Variants in C1GALT1 observed in about 807,000 individuals in gnomAD.
C1GALT1 encodes the protein core 1 synthase, glycoprotein-N-acetylgalactosamine 3-beta-galactosyltransferase 1.
In C1GALT1, 11 loss-of-function variants were observed where a neutral mutation model predicts 31.0. That is an observed-to-expected ratio of 0.36 (90% CI 0.22 to 0.59). C1GALT1 has a LOEUF of 0.59. Ranked by LOEUF, C1GALT1 falls within the 20% of genes least tolerant of loss-of-function variation. C1GALT1 has a pLI of 0.79. For synonymous variants in C1GALT1, 175 were observed against 143.6 expected (o/e 1.22, Z -1.56); for missense variants, 424 against 425.2 (o/e 1.00, Z 0.03).
chr7:7,215,885 T>C (rs533386604), intron 1 of C1GALT1, among the ~76,000 whole-genome samples: 1 of 152,230 alleles, frequency 6.6e-6, no homozygotes, highest in East Asian at 1.9e-4. Context: ...AAAATCAGTC[T>C]AAGTCTCCTT....
intron 1 of C1GALT1, among the ~76,000 whole-genome samples, chr7:7,194,105 T>TC (rs1781185483): frequency 6.6e-6 from 1 of 152,114 alleles, no homozygotes; most frequent in Non-Finnish European, 1.5e-5. Context: ...TGGTGTATGA[T>TC]CATATCATCA....
Position 7,169,361 on chromosome 7 carries a change from G to C in C1GALT1, c.-18+11935G>C, listed in dbSNP as rs376311029. 4.6e-5 allele frequency among the ~76,000 whole-genome samples: 7 copies of C among 152,194 alleles called. No individual in the cohort carries two copies. In the East Asian group the frequency reaches 7.7e-4, roughly 17 times the overall value. On this transcript the variant is annotated intron_variant, in intron 2 of 3. Coordinates refer to the C1GALT1 transcript ENST00000429911. ...TTGAGTCTCTGTTTTCAGTTATTTG[G>C]GGTGTATATCTCAGAGCCAAACTGC...
chr7:7,209,998 G>T (rs1171477779), intron 1 of C1GALT1, among the ~76,000 whole-genome samples: 3 of 152,112 alleles, frequency 2.0e-5, no homozygotes, highest in African/African-American at 4.8e-5. Context: ...GATGAGCCAG[G>T]GGAAGGAATT....
chr7:7,232,786 A>G lies in C1GALT1; in HGVS notation c.-17-1517A>G, dbSNP rs1312508016. On this transcript the variant is annotated intron_variant, in intron 1 of 3. Coordinates refer to ENST00000436587, the MANE Select transcript of C1GALT1 (RefSeq NM_020156.5). ...ATTACAGGCGTGAGCCACCACGCCC[A>G]GCCGGGCATGGGCTTTTTAAGCACA... 2.0e-5 allele frequency among the ~76,000 whole-genome samples: 3 copies of G among 152,304 alleles called. No homozygotes were observed. The East Asian group carries it at 5.8e-4, about 29-fold the overall frequency.
rs1783751983 is a variant in C1GALT1, at chr7:7,244,101, T to G, written c.*374T>G. 6.4e-6 allele frequency: 1 copy of G among 157,224 alleles called. No homozygotes were observed. The allele number at this position is 157,224 out of a possible 1,614,324, so 9.7% of individuals were successfully genotyped here. ...CTGCACCATGTTAGTAATAAACAGA[T>G]CTGCCTTAAAGAAAAGAAAATTTTA... On this transcript the variant is annotated 3_prime_UTR_variant, in exon 4 of 4. Transcript: ENST00000436587.
intron 1 of C1GALT1, among the ~76,000 whole-genome samples, chr7:7,186,796 G>A (rs768763624): frequency 6.6e-6 from 1 of 152,188 alleles, no homozygotes; most frequent in Non-Finnish European, 1.5e-5. Context: ...TTCAATCTAT[G>A]AAATTGCTGC....
chr7:7,243,630 T>C lies in C1GALT1; in HGVS notation c.995T>C (p.Leu332Ser). The change falls in exon 4 of 4, where the codon TTA becomes TCA. Residue 332 changes from leucine (L) to serine (S), a missense_variant. Physicochemically the swap from Leu to Ser is moderately radical, Grantham distance 145. This residue lies in a region of C1GALT1 where 191 missense variants were observed against 188.8 expected (regional missense o/e 1.01). Coordinates refer to ENST00000436587, the MANE Select transcript of C1GALT1 (RefSeq NM_020156.5). ...LVYHLRPYGYLYRYQPTLPER... is the reference protein window; with the variant it reads ...LVYHLRPYGYSYRYQPTLPER... ...TATCATCTTCGTCCATATGGTTATT[T>C]ATACAGATATCAACCTACCTTACCT... 6.2e-7 allele frequency: 1 copy of C among 1,612,526 alleles called. No individual in the cohort carries two copies. The highest frequency in any genetic ancestry group is 8.5e-7 in the Non-Finnish European group (1 of 1,179,236).
intron 1 of C1GALT1, among the ~76,000 whole-genome samples, chr7:7,209,948 G>A (rs1169530936): frequency 2.0e-5 from 3 of 152,092 alleles, no homozygotes; most frequent in African/African-American, 4.8e-5. Flanking sequence ...GGGCAGGGGC[G>A]GGGGACACAA....
At chr7:7,165,948 A>G (rs57285757) in intron 2 of C1GALT1, among the ~76,000 whole-genome samples, 3,942 of 152,284 alleles carry the variant, frequency 0.026, 140 homozygotes, top group East Asian at 0.16. Flanking sequence ...TTTCATGTTT[A>G]GACTTGGGTC....
At chr7:7,235,080 T>C (rs1366063806) in intron 2 of C1GALT1, 1 of 152,510 alleles carries the variant, frequency 6.6e-6, no homozygotes, top group African/African-American at 2.4e-5. Flanking sequence ...GAGTTATTTA[T>C]GTGTCCCTTA....
At chr7:7,183,247 G>A (rs1194241070) in intron 1 of C1GALT1, among the ~76,000 whole-genome samples, 1 of 149,768 alleles carries the variant, frequency 6.7e-6, no homozygotes, top group African/African-American at 2.4e-5. Context: ...CCGCCCCGCC[G>A]CAGACCTGTG....
At chr7:7,191,593 C>T (rs1781074999) in intron 1 of C1GALT1, among the ~76,000 whole-genome samples, 1 of 151,950 alleles carries the variant, frequency 6.6e-6, no homozygotes, top group Non-Finnish European at 1.5e-5. Flanking sequence ...ACTTTCATAC[C>T]AATAGTATAC....
rs569975973 is a variant in C1GALT1, at chr7:7,232,227, A to G, written c.-17-2076A>G. On this transcript the variant is annotated intron_variant, in intron 1 of 3. Coordinates refer to ENST00000436587, the MANE Select transcript of C1GALT1 (RefSeq NM_020156.5). ...CAAACACATATTTATATTTTTTTACATTTTGTTCAGTTTTTCTGATTGCAC... is the reference window on the plus strand; with the variant it reads ...CAAACACATATTTATATTTTTTTACGTTTTGTTCAGTTTTTCTGATTGCAC... Among the ~76,000 whole-genome samples, 3 of 152,096 alleles carry G rather than the reference A, an allele frequency of 2.0e-5. No homozygotes were observed. The East Asian group carries it at 5.8e-4, about 29-fold the overall frequency.
In C1GALT1 at chr7:7,244,377, T is replaced by C. The variant is rs1274836282; in HGVS notation, c.*650T>C. On this transcript the variant is annotated 3_prime_UTR_variant, in exon 4 of 4. Transcript: ENST00000436587. ...CATGGGCCTTGACTATATTATATAC[T>C]TGATTCTAATTAGTCATCTTTTACG... 6.6e-6 allele frequency: 1 copy of C among 152,188 alleles called. No homozygotes were observed. Among genetic ancestry groups the C allele is most frequent in the Non-Finnish European group, 1.5e-5 (1 of 68,002 alleles). 9.4% of individuals were successfully genotyped at this position (152,188 alleles called of 1,614,324 possible).
At chr7:7,191,516 A>T (rs1467599765) in intron 1 of C1GALT1, among the ~76,000 whole-genome samples, 1 of 152,166 alleles carries the variant, frequency 6.6e-6, no homozygotes, top group Non-Finnish European at 1.5e-5. Context: ...GCTGGATCAT[A>T]TGGTAATTCT....
chr7:7,246,570 G>T lies in C1GALT1; in HGVS notation c.*2843G>T, dbSNP rs1188757796. On this transcript the variant is annotated 3_prime_UTR_variant, in exon 4 of 4. Coordinates refer to ENST00000436587, the MANE Select transcript of C1GALT1 (RefSeq NM_020156.5). The stretch of plus-strand genomic sequence containing the variant: ...TTGGGCAGTGACTGTCAAAAGTCTG[G>T]TCCCAACAAACAGCATTAACGTCAC... The T allele has an allele frequency of 6.6e-6, 1 of 152,040 alleles. No homozygotes were observed. The highest frequency in any genetic ancestry group is 1.9e-4 in the East Asian group (1 of 5,192). 9.4% of individuals were successfully genotyped at this position (152,040 alleles called of 1,614,324 possible). A position where few individuals can be genotyped will look rare whatever the true frequency, so the allele number is the denominator to read the frequency against.
intron 1 of C1GALT1, among the ~76,000 whole-genome samples, chr7:7,227,601 T>A (rs1299291099): frequency 6.6e-6 from 1 of 150,936 alleles, no homozygotes; most frequent in Non-Finnish European, 1.5e-5. Context: ...GCGCCTGTAG[T>A]CCCAGCTACT....
At chr7:7,216,214 A>G (rs1190109020) in intron 1 of C1GALT1, among the ~76,000 whole-genome samples, 1 of 152,208 alleles carries the variant, frequency 6.6e-6, no homozygotes, top group Non-Finnish European at 1.5e-5. Context: ...TAGAAAAAGA[A>G]GCGAGAATAA....
chr7:7,233,380 T>A (rs1783181675), intron 1 of C1GALT1, among the ~76,000 whole-genome samples: 1 of 152,140 alleles, frequency 6.6e-6, no homozygotes, highest in Admixed American at 6.5e-5. Flanking sequence ...TCTCCCACCT[T>A]ATTCTTACCA....
Sources: gnomAD v4.1 joint callset for allele counts (sites outside exome capture counted in the v4.1 genomes callset) on GRCh38, gnomAD v4.1.1 for gene constraint, gnomAD v4.1.1 regional missense constraint, MANE v1.5 for transcripts, NCBI Gene and HGNC (gene_info 2026-07-23, HGNC 2026-07-21) for gene names.